Variants in SCIN observed in about 807,000 individuals in gnomAD.
SCIN encodes the protein adseverin.
A neutral mutation model predicts 91.8 loss-of-function variants in SCIN; 91 were observed. That is an observed-to-expected ratio of 0.99 (90% CI 0.84 to 1.18). The LOEUF (loss-of-function observed/expected upper bound fraction) is 1.18, where lower values mean the gene tolerates loss of function less well. Among genes scored for constraint, SCIN ranks in the 50% most tolerant of loss-of-function variants. The probability of loss-of-function intolerance (pLI) is 0.00; values close to 1 mark genes in which losing one functional copy is unlikely to be tolerated. For missense variants in SCIN, 1,087 were observed against 863.9 expected, an observed-to-expected ratio of 1.26 and a Z score of -3.24; for synonymous variants, 367 against 312.6, an observed-to-expected ratio of 1.17 and a Z score of -1.84.
intron 11 of SCIN, among the ~76,000 whole-genome samples, chr7:12,641,379 T>C (rs571665632): frequency 4.6e-5 from 7 of 152,312 alleles, no homozygotes; most frequent in African/African-American, 1.7e-4. Flanking sequence ...CCACTCACCA[T>C]GGCCTCAGGG....
intron 4 of SCIN, among the ~76,000 whole-genome samples, chr7:12,622,399 C>G (rs567984816): frequency 9.1e-4 from 138 of 152,160 alleles, no homozygotes; most frequent in Non-Finnish European, 1.6e-3. Context: ...TGATTCAAAT[C>G]TTTATTATAA....
At chr7:12,599,992 C>A (rs1042700283) in intron 3 of SCIN, among the ~76,000 whole-genome samples, 3 of 152,112 alleles carry the variant, frequency 2.0e-5, no homozygotes, top group Non-Finnish European at 4.4e-5. Flanking sequence ...CTTTCTTTTG[C>A]TGTGAAGAAG....
Position 12,625,875 on chromosome 7 carries a change from G to A in SCIN, c.981+25G>A, listed in dbSNP as rs769182432. The A allele has an allele frequency of 2.5e-5, 38 of 1,511,828 alleles. No homozygotes were observed. In the African/African-American group the frequency reaches 4.9e-4, roughly 19 times the overall value. 93.7% of individuals were successfully genotyped at this position (1,511,828 alleles called of 1,614,324 possible). ...AGTATGTGTGAAACTGAACTGGCTA[G>A]AAAAAAATAGAAAACATTGGAGCTC... On this transcript the variant is annotated intron_variant, in intron 7 of 15. Transcript: ENST00000297029.
rs369290622 is a variant in SCIN, at chr7:12,644,330, G to A, written c.1759+15G>A. On this transcript the variant is annotated intron_variant, in intron 12 of 15. Transcript: ENST00000297029. ...CGAGGAGCCAGGTGTGTGCTCTGGG[G>A]CCAAGGGCACTAACTAGAATTTATA... 207 of 1,568,718 alleles carry A rather than the reference G, an allele frequency of 1.3e-4. No homozygotes were observed. In the African/African-American group the frequency reaches 2.4e-3, roughly 18 times the overall value.
At chr7:12,608,494 T>C (rs1783126558) in intron 4 of SCIN, among the ~76,000 whole-genome samples, 1 of 152,202 alleles carries the variant, frequency 6.6e-6, no homozygotes, top group African/African-American at 2.4e-5. Context: ...TATTTATTTT[T>C]TGAGCTGGAG....
chr7:12,609,907 G>A lies in SCIN; in HGVS notation c.666+5244G>A, dbSNP rs114446991. Among the ~76,000 whole-genome samples the A allele has an allele frequency of 3.1e-3, 474 of 152,092 alleles. 6 individuals are homozygous for A. The highest frequency in any genetic ancestry group is 0.011 in the African/African-American group (459 of 41,506). ...AAAGAAAATCAGAATAACATATTATGTCTCCATTAATAACTGTTTATCAAG... is the reference window on the plus strand; with the variant it reads ...AAAGAAAATCAGAATAACATATTATATCTCCATTAATAACTGTTTATCAAG... On this transcript the variant is annotated intron_variant, in intron 4 of 15. Coordinates refer to ENST00000297029, the MANE Select transcript of SCIN (RefSeq NM_001112706.3).
At chr7:12,608,414 TTTTAC>T in intron 4 of SCIN, among the ~76,000 whole-genome samples, 1 of 152,182 alleles carries the variant, frequency 6.6e-6, no homozygotes, top group Admixed American at 6.5e-5. Flanking sequence ...CAACAGTTGA[TTTTAC>T]TAGAGATGGA....
Position 12,651,846 on chromosome 7 carries a change from T to A in SCIN, c.1965T>A (p.Phe655Leu). 6.3e-7 allele frequency: 1 copy of A among 1,584,786 alleles called. No homozygotes were observed. The highest frequency in any genetic ancestry group is 8.6e-7 in the Non-Finnish European group (1 of 1,159,600). Residue 655 changes from phenylalanine to leucine, a missense_variant, in exon 15 of 16, where the codon TTT becomes TTA. Physicochemically the swap from Phe to Leu is conservative, Grantham distance 22 (BLOSUM62 0). Coordinates refer to ENST00000297029, the MANE Select transcript of SCIN (RefSeq NM_001112706.3). The surrounding 1 kb of genome is among the most constrained non-coding windows in gnomAD (Gnocchi z 5.9). Reference protein sequence around the residue: ...VMLLDAWEQIFIWIGKDANEV... With the variant: ...VMLLDAWEQILIWIGKDANEV... Reference sequence around the variant, plus strand: ...GTTATTGTTTCATTTTTCAGATATTTATTTGGATTGGCAAAGATGCTAATG... The same window carrying A: ...GTTATTGTTTCATTTTTCAGATATTAATTTGGATTGGCAAAGATGCTAATG...
chr7:12,618,345 G>A (rs531780971), intron 4 of SCIN, among the ~76,000 whole-genome samples: 2 of 152,142 alleles, frequency 1.3e-5, no homozygotes, highest in Non-Finnish European at 1.5e-5. Context: ...CTGCGCTATA[G>A]CTAAATCTCT....
intron 4 of SCIN, among the ~76,000 whole-genome samples, chr7:12,608,394 G>T (rs1432381725): frequency 6.6e-6 from 1 of 151,774 alleles, no homozygotes; most frequent in African/African-American, 2.4e-5. Context: ...CTTTTTCTGA[G>T]ACCCTGGTGC....
chr7:12,638,977 AGTTACCATGAATT>A (rs1279596698), intron 10 of SCIN, among the ~76,000 whole-genome samples: 1 of 152,198 alleles, frequency 6.6e-6, no homozygotes, highest in Non-Finnish European at 1.5e-5. Flanking sequence ...TCGATTAATG[AGTTACCATGAATT>A]GTTAGCCGGT....
rs878921328 is a variant in SCIN, at chr7:12,653,100, C to CAAAAAAAA, written c.*398_*405dup. 1.4e-5 allele frequency: 1 copy of CAAAAAAAA among 69,614 alleles called. No individual in the cohort carries two copies. 4.3% of individuals were successfully genotyped at this position (69,614 alleles called of 1,614,324 possible). ...AGCCTGGGCAACAGAGACTCTGTCT[C>CAAAAAAAA]AAAAAAAAAAAAAAAAAAAATTAAC... On this transcript the variant is annotated 3_prime_UTR_variant, in exon 16 of 16. Transcript: ENST00000297029. The surrounding 1 kb of genome is among the most constrained non-coding windows in gnomAD (Gnocchi z 4.1).
intron 1 of SCIN, among the ~76,000 whole-genome samples, chr7:12,576,216 G>C (rs1230908280): frequency 6.6e-6 from 1 of 152,148 alleles, no homozygotes; most frequent in African/African-American, 2.4e-5. Flanking sequence ...TTCTCAGTTA[G>C]GGTTCGGATC....
At chr7:12,652,299 A>G (rs1784095072) in intron 15 of SCIN, among the ~76,000 whole-genome samples, 1 of 152,154 alleles carries the variant, frequency 6.6e-6, no homozygotes, top group Non-Finnish European at 1.5e-5. Context: ...CACAAGGACA[A>G]TTCCATAAAA....
At chr7:12,604,800 A>G (rs1319597110) in intron 4 of SCIN, 137 bp downstream of exon 4, 7 of 678,978 alleles carry the variant, frequency 1.0e-5, no homozygotes, top group Non-Finnish European at 1.7e-5. Flanking sequence ...TAGTGAGCCT[A>G]GCTACAATTA....
Position 12,657,966 on chromosome 7 carries a change from A to G in SCIN, c.*5251A>G, listed in dbSNP as rs1784202258. ...TAACATGACAAACTCCATCTTATTT[A>G]GAGAGATTATTTTTGATGTTATTAT... On this transcript the variant is annotated 3_prime_UTR_variant, in exon 16 of 16. Coordinates refer to ENST00000297029, the MANE Select transcript of SCIN (RefSeq NM_001112706.3). The G allele has an allele frequency of 6.6e-6, 1 of 152,162 alleles. No homozygotes were observed. The highest frequency in any genetic ancestry group is 1.9e-4 in the East Asian group (1 of 5,190). The allele number at this position is 152,162 out of a possible 1,614,324, so 9.4% of individuals were successfully genotyped here.
intron 13 of SCIN, among the ~76,000 whole-genome samples, chr7:12,645,444 C>T (rs1783945520): frequency 6.6e-6 from 1 of 152,014 alleles, no homozygotes; most frequent in Admixed American, 6.5e-5. Context: ...CAGTTTCAGC[C>T]TGCCTACAAA....
At chr7:12,602,268 A>G (rs1422617178) in intron 3 of SCIN, among the ~76,000 whole-genome samples, 2 of 152,200 alleles carry the variant, frequency 1.3e-5, no homozygotes, top group Non-Finnish European at 2.9e-5. Flanking sequence ...GTGCAAGAAC[A>G]GGGAGTAGGT....
At chr7:12,573,625 A>G (rs1275153212) in intron 1 of SCIN, among the ~76,000 whole-genome samples, 2 of 152,178 alleles carry the variant, frequency 1.3e-5, no homozygotes, top group African/African-American at 4.8e-5. Context: ...CTTTGCACCT[A>G]GCAGTTTAAA....
Sources: gnomAD v4.1 joint callset for allele counts (sites outside exome capture counted in the v4.1 genomes callset) on GRCh38, gnomAD v4.1.1 for gene constraint, Gnocchi (gnomAD v3.1) non-coding constraint, MANE v1.5 for transcripts, NCBI Gene and HGNC (gene_info 2026-07-23, HGNC 2026-07-21) for gene names.